Variants in EPS8 observed in about 807,000 individuals in gnomAD.
The protein encoded by EPS8 is EGFR pathway substrate 8, signaling adaptor.
A neutral mutation model predicts 103.8 loss-of-function variants in EPS8; 42 were observed. The observed-to-expected ratio is 0.40, with a 90% CI of 0.32 to 0.52. The LOEUF is 0.52. Ranked by LOEUF, EPS8 falls within the 20% of genes least tolerant of loss-of-function variation. The pLI is 0.40. For missense variants in EPS8, 969 were observed against 1,005.1 expected (o/e 0.96, Z 0.49); for synonymous variants, 344 against 344.6 (o/e 1.00, Z 0.02).
Position 15,689,229 on chromosome 12 carries a change from T to C in EPS8, c.-21-6257A>G, listed in dbSNP as rs1022068631. Among the ~76,000 whole-genome samples the C allele has an allele frequency of 4.6e-5, 7 of 152,184 alleles. No homozygotes were observed. In the East Asian group the frequency reaches 1.3e-3, roughly 29 times the overall value. ...AGTTTTATTTGCTCGGATGTGCAATTATATTCTTTATTCTAATCAACTCTT... is the reference window on the plus strand; with the variant it reads ...AGTTTTATTTGCTCGGATGTGCAATCATATTCTTTATTCTAATCAACTCTT... On this transcript the variant is annotated intron_variant, in intron 1 of 20. Transcript: ENST00000281172.
intron 13 of EPS8, among the ~76,000 whole-genome samples, chr12:15,651,315 T>C (rs1945410362): frequency 1.3e-5 from 2 of 152,200 alleles, no homozygotes; most frequent in Non-Finnish European, 1.5e-5. Flanking sequence ...TAAAAATTTG[T>C]GTAAGAAGGG....
intron 1 of EPS8, among the ~76,000 whole-genome samples, chr12:15,726,741 T>C (rs1240107996): frequency 6.6e-6 from 1 of 152,234 alleles, no homozygotes; most frequent in Admixed American, 6.5e-5. Context: ...TTAGTTAATC[T>C]GTTCCTGCTT....
intron 1 of EPS8, among the ~76,000 whole-genome samples, chr12:15,687,001 G>A (rs1946104611): frequency 6.6e-6 from 1 of 151,796 alleles, no homozygotes; most frequent in Non-Finnish European, 1.5e-5. Context: ...CCCAGTCTAA[G>A]TTACAACCAA....
rs966487694 is a variant in EPS8, at chr12:15,745,444, A to C, written c.-22+43717T>G. On this transcript the variant is annotated intron_variant, in intron 1 of 20. Transcript: ENST00000281172. This position sits in a 1 kb window ranked among gnomAD's most constrained non-coding sequence, Gnocchi z 4.6. ...ATGTGGGAATTCTCAACATTGCTGT[A>C]AACAGCCACTACTAAATTATAAAGT... Among the ~76,000 whole-genome samples the C allele has an allele frequency of 3.3e-5, 5 of 152,180 alleles. No homozygotes were observed. Among genetic ancestry groups the C allele is most frequent in the African/African-American group, 9.7e-5 (4 of 41,438 alleles).
chr12:15,669,343 A>G, intron 6 of EPS8, 44 bp downstream of exon 6: 1 of 1,555,784 alleles, frequency 6.4e-7, no homozygotes, highest in Non-Finnish European at 8.7e-7. Context: ...AAGCTCCCAG[A>G]CAATCTGCTT....
chr12:15,753,946 G>T (rs1324689527), intron 1 of EPS8, among the ~76,000 whole-genome samples: 1 of 152,214 alleles, frequency 6.6e-6, no homozygotes, highest in African/African-American at 2.4e-5. Flanking sequence ...GGGACAGCTG[G>T]GTATTTCATC....
intron 1 of EPS8, among the ~76,000 whole-genome samples, chr12:15,720,925 CA>C (rs1327561411): frequency 6.6e-6 from 1 of 152,164 alleles, no homozygotes; most frequent in East Asian, 1.9e-4. Flanking sequence ...TATCTATCCC[CA>C]AACCTAACCC....
rs1249087263 is a variant in EPS8 at position 15,653,793 on chromosome 12, C to A, written c.1250+352G>T. On this transcript the variant is annotated intron_variant, in intron 13 of 20. Coordinates refer to ENST00000281172, the MANE Select transcript of EPS8 (RefSeq NM_004447.6). Reference sequence around the variant, plus strand: ...TGTAAAGTGCATGGACTAGCAAGCACTGTGCGCGCGCGCGCGCATGTGTAT... The same window carrying A: ...TGTAAAGTGCATGGACTAGCAAGCAATGTGCGCGCGCGCGCGCATGTGTAT... Among the ~76,000 whole-genome samples the A allele has an allele frequency of 2.0e-5, 3 of 152,198 alleles. No individual in the cohort carries two copies. In the South Asian group the frequency reaches 6.2e-4, roughly 31 times the overall value.
At chr12:15,629,289 C>T (rs376469709) in intron 18 of EPS8, among the ~76,000 whole-genome samples, 1 of 152,212 alleles carries the variant, frequency 6.6e-6, no homozygotes, top group Non-Finnish European at 1.5e-5. Context: ...TCCTAACCCA[C>T]ACACTGCTCC....
At chr12:15,710,986 T>G (rs1343791529) in intron 1 of EPS8, among the ~76,000 whole-genome samples, 1 of 152,062 alleles carries the variant, frequency 6.6e-6, no homozygotes, top group African/African-American at 2.4e-5. Flanking sequence ...CTCCCTAACT[T>G]AGTCTCTTGA....
At chr12:15,740,493 C>T (rs902685784) in intron 1 of EPS8, among the ~76,000 whole-genome samples, 3 of 151,602 alleles carry the variant, frequency 2.0e-5, no homozygotes, top group Non-Finnish European at 4.4e-5. Context: ...TGCGGTGAAC[C>T]GAGATCATGC....
chr12:15,722,393 A>G (rs1418606560), intron 1 of EPS8, among the ~76,000 whole-genome samples: 1 of 152,132 alleles, frequency 6.6e-6, no homozygotes, highest in Non-Finnish European at 1.5e-5. Flanking sequence ...TATTTATCAT[A>G]AAAATCTGCA....
intron 16 of EPS8, 70 bp from the exon 17 acceptor site, chr12:15,640,916 C>G: frequency 6.9e-7 from 1 of 1,455,946 alleles, no homozygotes; most frequent in Admixed American, 2.0e-5. Flanking sequence ...GTTCCCTAGA[C>G]TTCAACAAAG....
chr12:15,695,809 T>A lies in EPS8; in HGVS notation c.-21-12837A>T, dbSNP rs553890529. Among the ~76,000 whole-genome samples, 1 of 152,204 alleles carries A rather than the reference T, an allele frequency of 6.6e-6. No individual in the cohort carries two copies. Among genetic ancestry groups the A allele is most frequent in the African/African-American group, 2.4e-5 (1 of 41,538 alleles). ...GGCCAAAATGGCGAAACCCCATCTC[T>A]ACCAAAAATATAAAAATCAGCCAGA... On this transcript the variant is annotated intron_variant, in intron 1 of 20. Coordinates refer to ENST00000281172, the MANE Select transcript of EPS8 (RefSeq NM_004447.6). The surrounding 1 kb of genome is among the most constrained non-coding windows in gnomAD (Gnocchi z 5.0).
intron 15 of EPS8, among the ~76,000 whole-genome samples, chr12:15,645,213 A>G (rs1436794846): frequency 1.3e-5 from 2 of 152,110 alleles, no homozygotes; most frequent in Non-Finnish European, 2.9e-5. Flanking sequence ...ATCCCATCCT[A>G]CATTAAGTTT....
At chr12:15,740,356 C>T (rs1419490078) in intron 1 of EPS8, among the ~76,000 whole-genome samples, 1 of 151,818 alleles carries the variant, frequency 6.6e-6, no homozygotes, top group Non-Finnish European at 1.5e-5. Flanking sequence ...ACCAGCCTGG[C>T]CAACATGGTG....
Position 15,761,905 on chromosome 12 carries a change from A to T in EPS8, c.-22+27256T>A, listed in dbSNP as rs546663355. 6.6e-6 allele frequency among the ~76,000 whole-genome samples: 1 copy of T among 152,252 alleles called. No homozygotes were observed. The highest frequency in any genetic ancestry group is 1.5e-5 in the Non-Finnish European group (1 of 67,982). On this transcript the variant is annotated intron_variant, in intron 1 of 20. Coordinates refer to ENST00000281172, the MANE Select transcript of EPS8 (RefSeq NM_004447.6). This position sits in a 1 kb window ranked among gnomAD's most constrained non-coding sequence, Gnocchi z 4.5. The stretch of plus-strand genomic sequence containing the variant: ...AATTTCTTGAGTAATACCTCACGAG[A>T]ACAGGCAACCAAAACGAAAAGGGAC...
At chr12:15,673,686 T>C (rs1265093062) in intron 3 of EPS8, among the ~76,000 whole-genome samples, 1 of 152,190 alleles carries the variant, frequency 6.6e-6, no homozygotes, top group Non-Finnish European at 1.5e-5. Context: ...AGCAGAACAT[T>C]TTCCTTTCCA....
chr12:15,622,757 C>T (rs1021081758), intron 20 of EPS8, among the ~76,000 whole-genome samples: 1 of 151,182 alleles, frequency 6.6e-6, no homozygotes, highest in African/African-American at 2.4e-5. Context: ...GTTTTACAAT[C>T]TTATAACCTA....
Sources: gnomAD v4.1 joint callset for allele counts (sites outside exome capture counted in the v4.1 genomes callset) on GRCh38, gnomAD v4.1.1 for gene constraint, Gnocchi (gnomAD v3.1) non-coding constraint, MANE v1.5 for transcripts, NCBI Gene and HGNC (gene_info 2026-07-23, HGNC 2026-07-21) for gene names.